Variants in PDLIM1 observed in about 807,000 individuals in gnomAD.
PDLIM1 encodes PDZ and LIM domain protein 1.
Under a neutral mutation model 35.2 loss-of-function variants are expected in PDLIM1, and 25 were observed. That is an observed-to-expected ratio of 0.71 (90% CI 0.52 to 0.99). The LOEUF is 0.99. Ranked by LOEUF, PDLIM1 falls within the 50% of genes least tolerant of loss-of-function variation. PDLIM1 has a pLI of 0.00. For synonymous variants in PDLIM1, 152 were observed against 154.0 expected (o/e 0.99, Z 0.10); for missense variants, 363 against 415.3 (o/e 0.87, Z 1.09).
chr10:95,242,898 C>T (rs1469954550), intron 5 of PDLIM1, among the ~76,000 whole-genome samples: 1 of 152,122 alleles, frequency 6.6e-6, no homozygotes, highest in African/African-American at 2.4e-5. Context: ...CATACCTGGG[C>T]AGTTTGCAAA....
intron 4 of PDLIM1, 154 bp from the exon 5 acceptor site, chr10:95,247,520 A>G (rs1241500037): frequency 1.7e-6 from 1 of 591,976 alleles, no homozygotes; most frequent in Non-Finnish European, 2.9e-6. Flanking sequence ...TGCTGCCAGC[A>G]CAGTGAAACT....
chr10:95,265,224 T>A (rs1189590053), intron 3 of PDLIM1, among the ~76,000 whole-genome samples: 1 of 151,426 alleles, frequency 6.6e-6, no homozygotes, highest in Non-Finnish European at 1.5e-5. Flanking sequence ...AAAAAAAAAA[T>A]CATGAAAACT....
intron 1 of PDLIM1, chr10:95,273,452 T>C (rs549649725): frequency 2.0e-5 from 3 of 152,308 alleles, no homozygotes; most frequent in South Asian, 4.2e-4. Context: ...GTGCCGCTAT[T>C]ATGGTGCATT....
chr10:95,272,844 T>C (rs903109707), intron 1 of PDLIM1, among the ~76,000 whole-genome samples: 2 of 152,144 alleles, frequency 1.3e-5, no homozygotes, highest in Non-Finnish European at 1.5e-5. Context: ...TGGTTCCAAA[T>C]TGACAGATCA....
chr10:95,241,538 G>A (rs2035178137), intron 5 of PDLIM1, among the ~76,000 whole-genome samples: 1 of 152,128 alleles, frequency 6.6e-6, no homozygotes, highest in East Asian at 1.9e-4. Flanking sequence ...AGAGGTCAGG[G>A]ATGCTGCTGA....
At chr10:95,284,351 C>T (rs920555189) in intron 1 of PDLIM1, among the ~76,000 whole-genome samples, 1 of 151,874 alleles carries the variant, frequency 6.6e-6, no homozygotes, top group African/African-American at 2.4e-5. Context: ...TTTAATCTAT[C>T]TGTATGCATT....
At chr10:95,274,634 C>T (rs2035496141) in intron 1 of PDLIM1, among the ~76,000 whole-genome samples, 1 of 152,146 alleles carries the variant, frequency 6.6e-6, no homozygotes, top group Non-Finnish European at 1.5e-5. Flanking sequence ...TTCTTCACGG[C>T]ACTGGTCACT....
chr10:95,265,927 G>A (rs1233526840), intron 3 of PDLIM1, among the ~76,000 whole-genome samples: 1 of 149,422 alleles, frequency 6.7e-6, no homozygotes, highest in African/African-American at 2.5e-5. Flanking sequence ...GGCCAGGCAC[G>A]GTGGCTCATT....
intron 4 of PDLIM1, among the ~76,000 whole-genome samples, chr10:95,258,686 G>A (rs1252651142): frequency 1.3e-5 from 2 of 152,110 alleles, no homozygotes; most frequent in Non-Finnish European, 2.9e-5. Context: ...TTAAGGTGAG[G>A]TTGTTTTTCA....
chr10:95,237,934 G>GACAC lies in PDLIM1; in HGVS notation c.980_981insGTGT (p.Phe327LeufsTer10). 6.2e-7 allele frequency: 1 copy of GACAC among 1,613,876 alleles called. No individual in the cohort carries two copies. Among genetic ancestry groups the GACAC allele is most frequent in the Non-Finnish European group, 8.5e-7 (1 of 1,179,818 alleles). On this transcript the variant is annotated frameshift_variant, in exon 7 of 7. Coordinates refer to ENST00000329399, the MANE Select transcript of PDLIM1 (RefSeq NM_020992.4). LOFTEE classifies it high-confidence loss of function. Reference sequence around the variant, plus strand: ...GGTCAGATCTGCTGGCTCACTTGGGGAACACAGTGACCACTTCATAACCCT... The same window carrying GACAC: ...GGTCAGATCTGCTGGCTCACTTGGGGACACAACACAGTGACCACTTCATAACCCT...
chr10:95,251,338 C>T (rs1427352155), intron 4 of PDLIM1, among the ~76,000 whole-genome samples: 3 of 151,692 alleles, frequency 2.0e-5, no homozygotes, highest in Non-Finnish European at 2.9e-5. Context: ...TTTAGGAGGC[C>T]GAAGCAGGTG....
At chr10:95,288,287 G>C (rs889692377) in intron 1 of PDLIM1, among the ~76,000 whole-genome samples, 3 of 152,196 alleles carry the variant, frequency 2.0e-5, no homozygotes, top group African/African-American at 7.2e-5. Flanking sequence ...ATTCATGCAA[G>C]AGAAAGCAAA....
At chr10:95,238,807 G>A in intron 5 of PDLIM1, 122 bp from the exon 6 acceptor site, 1 of 643,608 alleles carries the variant, frequency 1.6e-6, no homozygotes, top group Non-Finnish European at 2.8e-6. Flanking sequence ...GAGTGACTCT[G>A]CTCTGTGATC....
intron 1 of PDLIM1, among the ~76,000 whole-genome samples, chr10:95,289,282 G>C (rs12250317): frequency 0.019 from 2,938 of 152,302 alleles, 110 homozygotes; most frequent in African/African-American, 0.067. Flanking sequence ...TTATTAATAA[G>C]CCTGCAAGGA....
chr10:95,237,822 A>G lies in PDLIM1; in HGVS notation c.*103T>C, dbSNP rs2035138755. The G allele has an allele frequency of 9.8e-7, 1 of 1,021,038 alleles. No individual in the cohort carries two copies. Among genetic ancestry groups the G allele is most frequent in the East Asian group, 2.6e-5 (1 of 38,944 alleles). The allele number at this position is 1,021,038 out of a possible 1,614,324, so 63.2% of individuals were successfully genotyped here. ...CTCAATGTTTTACAAGCAGAGGGAAAACCAAAGTAAGCAGAGAACTTTCAA... is the reference window on the plus strand; with the variant it reads ...CTCAATGTTTTACAAGCAGAGGGAAGACCAAAGTAAGCAGAGAACTTTCAA... On this transcript the variant is annotated 3_prime_UTR_variant, in exon 7 of 7. Coordinates refer to ENST00000329399, the MANE Select transcript of PDLIM1 (RefSeq NM_020992.4).
intron 4 of PDLIM1, among the ~76,000 whole-genome samples, chr10:95,247,827 CCT>C (rs1335159800): frequency 6.6e-6 from 1 of 152,218 alleles, no homozygotes; most frequent in African/African-American, 2.4e-5. Flanking sequence ...CAGTGCTTTC[CCT>C]GTCTATAAAT....
chr10:95,268,142 T>C (rs1385906358), intron 3 of PDLIM1, among the ~76,000 whole-genome samples: 1 of 152,230 alleles, frequency 6.6e-6, no homozygotes, highest in Admixed American at 6.5e-5. Flanking sequence ...ACTGAGAGAT[T>C]TATTCACAAA....
At chr10:95,265,366 G>A (rs1163834806) in intron 3 of PDLIM1, among the ~76,000 whole-genome samples, 5 of 150,276 alleles carry the variant, frequency 3.3e-5, no homozygotes, top group East Asian at 2.0e-4. Context: ...AGGCCGAGGC[G>A]GGCGGATCAC....
At chr10:95,242,678 CAAA>C (rs35965171) in intron 5 of PDLIM1, among the ~76,000 whole-genome samples, 1 of 137,654 alleles carries the variant, frequency 7.3e-6, no homozygotes, top group Non-Finnish European at 1.6e-5. Flanking sequence ...ACAGAGGTCT[CAAA>C]AAAAAAAAAA....
Sources: gnomAD v4.1 joint callset for allele counts (sites outside exome capture counted in the v4.1 genomes callset) on GRCh38, gnomAD v4.1.1 for gene constraint, MANE v1.5 for transcripts, NCBI Gene and HGNC (gene_info 2026-07-23, HGNC 2026-07-21) for gene names.